The following PFAS variants were observed in gnomAD, a reference collection of about 807,000 sequenced individuals.
The protein encoded by PFAS is FGAM synthase.
PFAS carries 97 observed loss-of-function variants against 140.6 expected under a neutral mutation model. The ratio of observed to expected loss-of-function variants is 0.69; its 90% CI spans 0.59 to 0.82. The LOEUF is 0.82. Ranked by LOEUF, PFAS falls within the 40% of genes least tolerant of loss-of-function variation. The probability of loss-of-function intolerance (pLI) is 0.00; values close to 1 mark genes in which losing one functional copy is unlikely to be tolerated. For synonymous variants in PFAS, 679 were observed against 718.8 expected, an observed-to-expected ratio of 0.94 and a Z score of 0.88; for missense variants, 1,656 against 1,780.2, an observed-to-expected ratio of 0.93 and a Z score of 1.26.
Position 8,266,613 on chromosome 17 carries a change from C to G in PFAS, c.2822-140C>G. On this transcript the variant is annotated intron_variant, in intron 22 of 27. Transcript: ENST00000314666. This position sits in a 1 kb window ranked among gnomAD's most constrained non-coding sequence, Gnocchi z 5.0. ...CATCCTCAGTCCTGCCGTCCTAGCCCTCATCCTCCCTGATCCCTACCCTAC... is the reference window on the plus strand; with the variant it reads ...CATCCTCAGTCCTGCCGTCCTAGCCGTCATCCTCCCTGATCCCTACCCTAC... 4.0e-6 allele frequency: 6 copies of G among 1,492,400 alleles called. No homozygotes were observed. The highest frequency in any genetic ancestry group is 5.3e-6 in the Non-Finnish European group (6 of 1,128,520). 92.4% of individuals were successfully genotyped at this position (1,492,400 alleles called of 1,614,324 possible). A position where few individuals can be genotyped will look rare whatever the true frequency, so the allele number is the denominator to read the frequency against.
chr17:8,266,517 T>C lies in PFAS; in HGVS notation c.2821+164T>C. 1.4e-6 allele frequency: 2 copies of C among 1,460,158 alleles called. No homozygotes were observed. Among genetic ancestry groups the C allele is most frequent in the South Asian group, 1.4e-5 (1 of 69,708 alleles). 90.5% of individuals were successfully genotyped at this position (1,460,158 alleles called of 1,614,324 possible). A position where few individuals can be genotyped will look rare whatever the true frequency, so the allele number is the denominator to read the frequency against. Reference sequence around the variant, plus strand: ...CTCTGACAGCTGAACTGGATGGAACTGGCTGACACCCACCATGTTCCTGAC... The same window carrying C: ...CTCTGACAGCTGAACTGGATGGAACCGGCTGACACCCACCATGTTCCTGAC... On this transcript the variant is annotated intron_variant, in intron 22 of 27. Coordinates refer to ENST00000314666, the MANE Select transcript of PFAS (RefSeq NM_012393.3). The surrounding 1 kb of genome is among the most constrained non-coding windows in gnomAD (Gnocchi z 5.0).
At chr17:8,251,781 C>T (rs1306776843) in intron 1 of PFAS, among the ~76,000 whole-genome samples, 1 of 150,854 alleles carries the variant, frequency 6.6e-6, no homozygotes, top group Non-Finnish European at 1.5e-5. Flanking sequence ...CAGTGATTCT[C>T]CTGCCTCAGC....
At position 8,265,874 on chromosome 17, in the gene PFAS, A is replaced by T. The variant is rs760209684; in HGVS notation, c.2558A>T (p.Tyr853Phe). The part of the protein sequence containing the change: ...KHPEGRGHLL[Y>F]VALSPGQHRL... The stretch of plus-strand genomic sequence containing the variant: ...CCCGTCTCCCCAGGCCATCTGCTCT[A>T]TGTGGCTCTGAGCCCTGGGCAGCAC... The change falls in exon 21 of 28, where the codon TAT becomes TTT. Residue 853 changes from tyrosine (Y) to phenylalanine (F), a missense_variant. Tyr to Phe is a conservative substitution (Grantham distance 22). Transcript: ENST00000314666. 1 of 1,606,640 alleles carries T rather than the reference A, an allele frequency of 6.2e-7. No homozygotes were observed. Among genetic ancestry groups the T allele is most frequent in the East Asian group, 2.2e-5 (1 of 44,796 alleles).
intron 6 of PFAS, 146 bp from the exon 7 acceptor site, chr17:8,256,121 A>T: frequency 1.1e-6 from 1 of 911,838 alleles, no homozygotes; most frequent in Non-Finnish European, 1.6e-6. Flanking sequence ...ATACTTGAAG[A>T]TTATGACTTT....
intron 1 of PFAS, among the ~76,000 whole-genome samples, chr17:8,250,922 G>A (rs77535996): frequency 0.096 from 14,645 of 151,816 alleles, 1,004 homozygotes; most frequent in African/African-American, 0.18. Flanking sequence ...ACAGGGAGAT[G>A]AAGAAACTGA....
rs747459913 is a variant in PFAS, at chr17:8,265,369, A to C, written c.2362A>C (p.Met788Leu). 2 of 1,614,190 alleles carry C rather than the reference A, an allele frequency of 1.2e-6. No homozygotes were observed. The highest frequency in any genetic ancestry group is 2.2e-5 in the South Asian group (2 of 91,084). The change falls in exon 19 of 28, where the codon ATG (methionine) becomes CTG (leucine). Residue 788 changes from methionine to leucine, a missense_variant. By Grantham distance (15) the Met-to-Leu change is conservative. Transcript: ENST00000314666. ...AGCTTTGGCGGATGCCTGTGAGGCT[A>C]TGGTGGCAGTGATGGCAGCCCTGGG... ...GAALADACEA[M>L]VAVMAALGVA...
rs1597420640 is a variant in PFAS, at chr17:8,258,254, T to C, written c.1336+55T>C. The C allele has an allele frequency of 1.9e-6, 3 of 1,601,882 alleles. No individual in the cohort carries two copies. In the African/African-American group the frequency reaches 4.0e-5, roughly 21 times the overall value. ...AGCCAGCTTTCTCCCCAGCACAGGA[T>C]GGCTACAGGGAGGGAACTTAGGGAA... On this transcript the variant is annotated intron_variant, in intron 11 of 27. Transcript: ENST00000314666.
At chr17:8,268,897 G>A in intron 27 of PFAS, 41 bp downstream of exon 27, 3 of 1,612,270 alleles carry the variant, frequency 1.9e-6, no homozygotes, top group Non-Finnish European at 2.5e-6. Flanking sequence ...CGAGGGTTGG[G>A]GGCAAGGGTG....
chr17:8,253,983 G>C lies in PFAS; in HGVS notation c.46G>C (p.Gly16Arg). 1.2e-6 allele frequency: 2 copies of C among 1,614,108 alleles called. No individual in the cohort carries two copies. Among genetic ancestry groups the C allele is most frequent in the Non-Finnish European group, 1.7e-6 (2 of 1,180,016 alleles). Reference protein sequence around the residue: ...HFYVRPSGHEGAAPGHTRRKL... With the variant: ...HFYVRPSGHERAAPGHTRRKL... Reference sequence around the variant, plus strand: ...CTATGTTCGTCCCTCTGGCCATGAGGGGGCAGCCCCTGGACACACTCGGAG... The same window carrying C: ...CTATGTTCGTCCCTCTGGCCATGAGCGGGCAGCCCCTGGACACACTCGGAG... The change falls in exon 2 of 28, where the codon GGG becomes CGG. Residue 16 changes from glycine (G) to arginine (R), a missense_variant. Gly to Arg is a moderately radical substitution (Grantham distance 125, BLOSUM62 -2). Coordinates refer to ENST00000314666, the MANE Select transcript of PFAS (RefSeq NM_012393.3).
Position 8,256,504 on chromosome 17 carries a change from C to A in PFAS, c.822-20C>A. 1 of 1,614,004 alleles carries A rather than the reference C, an allele frequency of 6.2e-7. No individual in the cohort carries two copies. The stretch of plus-strand genomic sequence containing the variant: ...TAGGTCCCAGAAAGGAAGCAAGGTC[C>A]ATGACGGGTATGTCCACAGTGCAAT... On this transcript the variant is annotated intron_variant, in intron 7 of 27. Coordinates refer to ENST00000314666, the MANE Select transcript of PFAS (RefSeq NM_012393.3).
Position 8,263,132 on chromosome 17 carries a change from C to T in PFAS, c.1434C>T (p.Asp478=). The T allele has an allele frequency of 6.2e-7, 1 of 1,614,032 alleles. No homozygotes were observed. Among genetic ancestry groups the T allele is most frequent in the Non-Finnish European group, 8.5e-7 (1 of 1,179,902 alleles). The part of the protein sequence containing the change: ...SVQVQGDNTS[D]LDFGAVQRGD... Reference sequence around the variant, plus strand: ...AGGTGCAGGGAGATAACACCAGTGACCTGGACTTTGGGGCTGTGCAGCGAG... The same window carrying T: ...AGGTGCAGGGAGATAACACCAGTGATCTGGACTTTGGGGCTGTGCAGCGAG... The change falls in exon 13 of 28, where the codon GAC becomes GAT. Residue 478 remains aspartate, a synonymous_variant. Coordinates refer to ENST00000314666, the MANE Select transcript of PFAS (RefSeq NM_012393.3).
chr17:8,262,821 C>T, intron 11 of PFAS, 99 bp from the exon 12 acceptor site: 1 of 898,130 alleles, frequency 1.1e-6, no homozygotes, highest in Non-Finnish European at 1.8e-6. Context: ...GGTCAGGCTT[C>T]TCCCTAACAT....
chr17:8,270,191 T>G lies in PFAS; in HGVS notation c.*927T>G, dbSNP rs1450353319. The G allele has an allele frequency of 6.6e-6, 1 of 152,230 alleles. No homozygotes were observed. The highest frequency in any genetic ancestry group is 2.4e-5 in the African/African-American group (1 of 41,452). The allele number at this position is 152,230 out of a possible 1,614,324, so 9.4% of individuals were successfully genotyped here. A position where few individuals can be genotyped will look rare whatever the true frequency, so the allele number is the denominator to read the frequency against. ...CTACAGCTGGCCCAGCAGCTCTGTT[T>G]CTGATAGAGGTGGTTGGGGCTCTCA... On this transcript the variant is annotated 3_prime_UTR_variant, in exon 28 of 28. Coordinates refer to ENST00000314666, the MANE Select transcript of PFAS (RefSeq NM_012393.3).
In PFAS at chr17:8,268,739, A is replaced by G; in HGVS notation, c.3589A>G (p.Asn1197Asp). The part of the protein sequence containing the change: ...PARPGLLLRH[N>D]LSGRYESRWA... ...CCGGCCAGGCCTTCTGCTACGCCAC[A>G]ACCTGTCTGGGCGCTACGAGTCTCG... Residue 1197 changes from asparagine (N) to aspartate (D), a missense_variant, in exon 27 of 28, where the codon AAC becomes GAC. Transcript: ENST00000314666. 1 of 1,612,762 alleles carries G rather than the reference A, an allele frequency of 6.2e-7. No homozygotes were observed.
At position 8,268,719 on chromosome 17, in the gene PFAS, C is replaced by G; in HGVS notation, c.3569C>G (p.Pro1190Arg). ...EMGPDSQPAR[P>R]GLLLRHNLSG... ...GGCCCTGACTCCCAGCCAGCCCGGC[C>G]AGGCCTTCTGCTACGCCACAACCTG... is the stretch of plus-strand genomic sequence containing the variant. The change falls in exon 27 of 28, where the codon CCA (proline) becomes CGA (arginine). Residue 1190 changes from proline to arginine, a missense_variant. This residue lies in a region of PFAS where 883 missense variants were observed against 1,023.0 expected (regional missense o/e 0.86). Coordinates refer to ENST00000314666, the MANE Select transcript of PFAS (RefSeq NM_012393.3). 1 of 1,613,356 alleles carries G rather than the reference C, an allele frequency of 6.2e-7. No homozygotes were observed. Among genetic ancestry groups the G allele is most frequent in the East Asian group, 2.2e-5 (1 of 44,872 alleles).
chr17:8,254,102 T>C (rs1597415844), intron 2 of PFAS, 23 bp downstream of exon 2: 1 of 1,613,646 alleles, frequency 6.2e-7, no homozygotes, highest in Non-Finnish European at 8.5e-7. Context: ...TATTAGATTC[T>C]TGGGGGACAT....
At chr17:8,268,384 AAAAAG>A in intron 26 of PFAS, 144 bp from the exon 27 acceptor site, 10 of 627,616 alleles carry the variant, frequency 1.6e-5, no homozygotes, top group Admixed American at 1.2e-4. Flanking sequence ...AAAAAAAAAA[AAAAAG>A]AAAGAAGGAA....
At position 8,254,022 on chromosome 17, in the gene PFAS, A is replaced by C. The variant is rs1297127699; in HGVS notation, c.85A>C (p.Lys29Gln). The C allele has an allele frequency of 6.2e-7, 1 of 1,614,148 alleles. No homozygotes were observed. Among genetic ancestry groups the C allele is most frequent in the Non-Finnish European group, 8.5e-7 (1 of 1,180,012 alleles). The change falls in exon 2 of 28, where the codon AAA (lysine) becomes CAA (glutamine). Residue 29 changes from lysine to glutamine, a missense_variant. Physicochemically the swap from Lys to Gln is moderately conservative, Grantham distance 53 (BLOSUM62 1). This residue lies in a region of PFAS where 773 missense variants were observed against 757.3 expected (regional missense o/e 1.02). Transcript: ENST00000314666. ...PGHTRRKLQG[K>Q]LPELQGVETE... ...ACACACTCGGAGGAAACTGCAAGGG[A>C]AACTGCCAGAGCTGCAGGGCGTCGA...
Position 8,267,399 on chromosome 17 carries a change from T to G in PFAS, c.3203T>G (p.Leu1068Trp). The change falls in exon 25 of 28, where the codon TTG (leucine) becomes TGG (tryptophan). Residue 1068 changes from leucine to tryptophan, a missense_variant. Coordinates refer to ENST00000314666, the MANE Select transcript of PFAS (RefSeq NM_012393.3). The surrounding 1 kb of genome is among the most constrained non-coding windows in gnomAD (Gnocchi z 4.9). ...PGGPSPRVAI[L>W]REEGSNGDRE... ...GGTCCCAGCCCCCGAGTCGCCATCT[T>G]GCGAGAGGAGGGCAGTAATGGAGAC... 6.2e-7 allele frequency: 1 copy of G among 1,614,112 alleles called. No individual in the cohort carries two copies. Among genetic ancestry groups the G allele is most frequent in the Non-Finnish European group, 8.5e-7 (1 of 1,180,006 alleles).
Sources: gnomAD v4.1 joint callset for allele counts (sites outside exome capture counted in the v4.1 genomes callset) on GRCh38, gnomAD v4.1.1 for gene constraint, gnomAD v4.1.1 regional missense constraint, Gnocchi (gnomAD v3.1) non-coding constraint, MANE v1.5 for transcripts, NCBI Gene and HGNC (gene_info 2026-07-23, HGNC 2026-07-21) for gene names.